The following PTPRD variants were observed in gnomAD, a reference collection of about 807,000 sequenced individuals.
PTPRD encodes receptor-type tyrosine-protein phosphatase delta.
A neutral mutation model predicts 214.5 loss-of-function variants in PTPRD; 34 were observed. The observed-to-expected ratio is 0.16, with a 90% CI of 0.12 to 0.21. The LOEUF is 0.21. Among genes scored for constraint, PTPRD ranks in the 10% least tolerant of loss-of-function variants. The pLI is 1.00. For missense variants in PTPRD, 2,545 were observed against 2,398.7 expected (o/e 1.06, Z -1.27); for synonymous variants, 1,128 against 845.7 (o/e 1.33, Z -5.79).
intron 8 of PTPRD, among the ~76,000 whole-genome samples, chr9:9,485,935 G>C (rs1350632308): frequency 6.6e-6 from 1 of 151,928 alleles, no homozygotes; most frequent in Admixed American, 6.6e-5. Flanking sequence ...GGTGGATCAT[G>C]AAGTCAGGAG....
In PTPRD at chr9:9,234,913, T is replaced by C. The variant is rs560972256; in HGVS notation, c.-202-51550A>G. 2.0e-5 allele frequency among the ~76,000 whole-genome samples: 3 copies of C among 152,340 alleles called. No homozygotes were observed. The South Asian group carries it at 6.2e-4, about 32-fold the overall frequency. ...TCAAATTGTTCCAACCTCTGACTGT[T>C]ACCCATTTCCAAAGTTGCTCTCACA... On this transcript the variant is annotated intron_variant, in intron 9 of 45. Transcript: ENST00000381196.
intron 11 of PTPRD, among the ~76,000 whole-genome samples, chr9:8,735,906 G>A (rs73429635): frequency 0.22 from 15,219 of 70,258 alleles, 2,405 homozygotes; most frequent in African/African-American, 0.51. Flanking sequence ...GTGAGACTTC[G>A]TCTCAAAAAA....
At chr9:10,457,798 T>C (rs2098929437) in intron 2 of PTPRD, among the ~76,000 whole-genome samples, 1 of 152,092 alleles carries the variant, frequency 6.6e-6, no homozygotes, top group Non-Finnish European at 1.5e-5. Context: ...TTCATTGTAA[T>C]TTAAATTTGC....
intron 14 of PTPRD, among the ~76,000 whole-genome samples, chr9:8,571,399 A>G (rs2091102670): frequency 6.6e-6 from 1 of 152,132 alleles, no homozygotes; most frequent in Non-Finnish European, 1.5e-5. Context: ...AGAAATTTAA[A>G]ATAATAACAA....
intron 10 of PTPRD, among the ~76,000 whole-genome samples, chr9:9,172,610 T>C (rs530118001): frequency 3.9e-4 from 59 of 152,268 alleles, no homozygotes; most frequent in African/African-American, 1.4e-3. Flanking sequence ...TGTCTTCTTA[T>C]TCTTCTGTAT....
chr9:9,708,771 G>T (rs1351156594), intron 7 of PTPRD, among the ~76,000 whole-genome samples: 1 of 151,972 alleles, frequency 6.6e-6, no homozygotes, highest in Non-Finnish European at 1.5e-5. Flanking sequence ...CATAATACCT[G>T]GAGTTTCAAA....
At chr9:9,182,969 T>C (rs1430292172) in intron 10 of PTPRD, among the ~76,000 whole-genome samples, 2 of 151,858 alleles carry the variant, frequency 1.3e-5, no homozygotes, top group African/African-American at 4.8e-5. Flanking sequence ...TCAATCAACA[T>C]TTAAATCTAT....
intron 3 of PTPRD, among the ~76,000 whole-genome samples, chr9:10,121,486 C>T (rs541632594): frequency 1.4e-4 from 22 of 152,212 alleles, no homozygotes; most frequent in African/African-American, 5.1e-4. Flanking sequence ...CTACTAACAA[C>T]ACATAACAAA....
chr9:9,065,514 T>A (rs2099726772), intron 10 of PTPRD, among the ~76,000 whole-genome samples: 2 of 152,198 alleles, frequency 1.3e-5, no homozygotes, highest in South Asian at 4.1e-4. Context: ...TAGGACCTTG[T>A]AAACCATCAT....
intron 11 of PTPRD, among the ~76,000 whole-genome samples, chr9:8,744,564 G>A (rs1201079328): frequency 6.6e-6 from 1 of 152,200 alleles, no homozygotes; most frequent in African/African-American, 2.4e-5. Context: ...ACCAAACATT[G>A]CATGTTCTCC....
chr9:9,347,204 A>T (rs1054259158), intron 9 of PTPRD, among the ~76,000 whole-genome samples: 1 of 151,934 alleles, frequency 6.6e-6, no homozygotes, highest in Non-Finnish European at 1.5e-5. Context: ...GTTTGAAAAG[A>T]TGATTAGATT....
chr9:10,520,292 C>T (rs1009754139), intron 2 of PTPRD, among the ~76,000 whole-genome samples: 1 of 152,152 alleles, frequency 6.6e-6, no homozygotes, highest in Non-Finnish European at 1.5e-5. Flanking sequence ...CATAGAAAAT[C>T]AAACCAACCA....
intron 4 of PTPRD, among the ~76,000 whole-genome samples, chr9:9,971,604 A>T (rs1006319450): frequency 6.6e-6 from 1 of 152,182 alleles, no homozygotes; most frequent in African/African-American, 2.4e-5. Flanking sequence ...TTCTGAAGAA[A>T]ATTCGAGAAT....
intron 11 of PTPRD, among the ~76,000 whole-genome samples, chr9:8,868,214 A>G (rs2098233014): frequency 6.6e-6 from 1 of 151,980 alleles, no homozygotes; most frequent in African/African-American, 2.4e-5. Flanking sequence ...ATTTGTTTAT[A>G]TTTTGAGACA....
At chr9:9,495,437 C>A (rs2096130948) in intron 8 of PTPRD, among the ~76,000 whole-genome samples, 2 of 152,026 alleles carry the variant, frequency 1.3e-5, no homozygotes, top group Non-Finnish European at 2.9e-5. Flanking sequence ...CTGAATAATG[C>A]CTTTTTACCA....
chr9:9,814,399 C>T (rs968191143), intron 5 of PTPRD, among the ~76,000 whole-genome samples: 1 of 151,466 alleles, frequency 6.6e-6, no homozygotes, highest in Non-Finnish European at 1.5e-5. Flanking sequence ...CCCTCAACCC[C>T]CCACTATAAA....
chr9:9,039,478 C>T (rs1470752749), intron 10 of PTPRD, among the ~76,000 whole-genome samples: 1 of 152,136 alleles, frequency 6.6e-6, no homozygotes, highest in Non-Finnish European at 1.5e-5. Context: ...GCCAGTGGGA[C>T]CAAATCCAGC....
intron 11 of PTPRD, among the ~76,000 whole-genome samples, chr9:8,816,255 T>C (rs1055985528): frequency 5.3e-5 from 8 of 152,202 alleles, no homozygotes; most frequent in South Asian, 2.1e-4. Flanking sequence ...AATATGATCA[T>C]TGGTCTAGAT....
At chr9:10,159,540 A>G (rs2099114367) in intron 3 of PTPRD, among the ~76,000 whole-genome samples, 1 of 152,114 alleles carries the variant, frequency 6.6e-6, no homozygotes, top group Non-Finnish European at 1.5e-5. Flanking sequence ...CCTTCACAAG[A>G]CAGTAATATA....
Sources: allele counts gnomAD v4.1 joint callset (sites outside exome capture counted in the v4.1 genomes callset), GRCh38; gene constraint gnomAD v4.1.1; transcripts MANE v1.5; gene names NCBI Gene and HGNC (gene_info 2026-07-23, HGNC 2026-07-21).